The following MBD5 variants were observed in gnomAD, a reference collection of about 807,000 sequenced individuals.
The protein encoded by MBD5 is methyl-CpG binding domain protein 5, also known as methyl-CpG-binding domain protein 5.
A neutral mutation model predicts 117.3 loss-of-function variants in MBD5; 13 were observed. The observed-to-expected ratio is 0.11, with a 90% confidence interval of 0.07 to 0.18. MBD5 has a LOEUF of 0.18. Ranked by LOEUF, MBD5 falls within the 10% of genes least tolerant of loss-of-function variation. MBD5 has a pLI of 1.00. For synonymous variants in MBD5, 727 were observed against 766.4 expected (o/e 0.95, Z 0.85); for missense variants, 1,879 against 2,093.8 (o/e 0.90, Z 2.00).
At chr2:148,407,557 C>T (rs970317366) in intron 4 of MBD5, among the ~76,000 whole-genome samples, 1 of 152,100 alleles carries the variant, frequency 6.6e-6, no homozygotes, top group African/African-American at 2.4e-5. Context: ...CAGCATCAGT[C>T]ACTTAGTACT....
intron 1 of MBD5, among the ~76,000 whole-genome samples, chr2:148,139,230 G>A (rs1029669080): frequency 6.6e-6 from 1 of 151,808 alleles, no homozygotes; most frequent in South Asian, 2.1e-4. Flanking sequence ...TTTTGAAACA[G>A]AGTTTCGCTC....
At chr2:148,126,430 G>A (rs958082422) in intron 1 of MBD5, among the ~76,000 whole-genome samples, 4 of 150,330 alleles carry the variant, frequency 2.7e-5, no homozygotes, top group Non-Finnish European at 5.9e-5. Flanking sequence ...AAAAAAGTAG[G>A]TGTCTTTACA....
chr2:148,073,301 C>G (rs925538689), intron 1 of MBD5, among the ~76,000 whole-genome samples: 1 of 152,110 alleles, frequency 6.6e-6, no homozygotes, highest in Non-Finnish European at 1.5e-5. Flanking sequence ...GGCAATCACA[C>G]AGCCCAATAA....
chr2:148,496,708 C>T (rs2034267), intron 11 of MBD5, among the ~76,000 whole-genome samples: 3,362 of 152,244 alleles, frequency 0.022, 128 homozygotes, highest in African/African-American at 0.075. Context: ...GATTTACCCC[C>T]GTCCTGTAAT....
rs564125745 is a variant in MBD5, at chr2:148,416,200, C to T, written c.-556-42003C>T. On this transcript the variant is annotated intron_variant, in intron 4 of 13. Transcript: ENST00000642680. ...GTCTAAGGTGGGTTCAGTTGATTGG[C>T]TTTGTTTCTGGAAGATTTTAGGGGA... Among the ~76,000 whole-genome samples, 13 of 152,262 alleles carry T rather than the reference C, an allele frequency of 8.5e-5. 1 individual carries two copies. The highest frequency in any genetic ancestry group is 3.4e-3 in the Middle Eastern group (1 of 294).
At chr2:148,330,313 G>A (rs1277079144) in intron 3 of MBD5, among the ~76,000 whole-genome samples, 1 of 152,114 alleles carries the variant, frequency 6.6e-6, no homozygotes, top group Non-Finnish European at 1.5e-5. Flanking sequence ...TGTAGACAGA[G>A]AGAGAGAAGG....
chr2:148,240,726 C>A (rs187764746), intron 3 of MBD5, among the ~76,000 whole-genome samples: 1 of 152,258 alleles, frequency 6.6e-6, no homozygotes, highest in East Asian at 1.9e-4. Context: ...ATAGAACTAA[C>A]TATTCTTTAG....
intron 1 of MBD5, among the ~76,000 whole-genome samples, chr2:148,118,896 G>T (rs1365293258): frequency 6.6e-6 from 1 of 152,098 alleles, no homozygotes; most frequent in Non-Finnish European, 1.5e-5. Context: ...ATATTCCATT[G>T]TATGGATATA....
In MBD5 at chr2:148,490,111, A is replaced by G. The variant is rs763469797; in HGVS notation, c.4479A>G (p.Leu1493=). 3.7e-6 allele frequency: 6 copies of G among 1,614,102 alleles called. No homozygotes were observed. The highest frequency in any genetic ancestry group is 5.1e-6 in the Non-Finnish European group (6 of 1,180,014). The stretch of plus-strand genomic sequence containing the variant: ...GAAACTGTCCAGGGGATAAAATTCT[A>G]GAGGAAAATTTCAGGTATAATAACT... ...PPRNCPGDKI[L]EENFRYNNYK... The change falls in exon 11 of 14, where the codon CTA becomes CTG. Residue 1493 remains leucine (L), a synonymous_variant. Transcript: ENST00000642680.
intron 1 of MBD5, among the ~76,000 whole-genome samples, chr2:148,152,406 G>T (rs934301670): frequency 2.6e-5 from 4 of 152,162 alleles, no homozygotes; most frequent in Non-Finnish European, 4.4e-5. Flanking sequence ...TGAAAAAAGT[G>T]TATATTCTGT....
intron 4 of MBD5, among the ~76,000 whole-genome samples, chr2:148,376,835 A>ATATAT (rs71301705): frequency 0.51 from 69,361 of 134,802 alleles, 17,928 homozygotes; most frequent in East Asian, 0.75. Context: ...TATATATAAC[A>ATATAT]TATATATAAT....
chr2:148,469,326 C>G lies in MBD5; in HGVS notation c.1383C>G (p.Arg461=). The change falls in exon 8 of 14, where the codon CGC becomes CGG. Residue 461 remains arginine, a synonymous_variant. Coordinates refer to ENST00000642680, the MANE Select transcript of MBD5 (RefSeq NM_001378120.1). ...TTGAGGCATCGCCCCAAAGATCACG[C>G]TCATCTTCCACATCATCAGATCATG... The part of the protein sequence containing the change: ...GRIEASPQRS[R]SSSTSSDHGN... The G allele has an allele frequency of 6.2e-7, 1 of 1,613,798 alleles. No homozygotes were observed. The highest frequency in any genetic ancestry group is 1.1e-5 in the South Asian group (1 of 91,076).
intron 4 of MBD5, among the ~76,000 whole-genome samples, chr2:148,404,645 G>A (rs1379604520): frequency 6.6e-6 from 1 of 152,166 alleles, no homozygotes; most frequent in African/African-American, 2.4e-5. Flanking sequence ...AGCTAGGGAC[G>A]TTCTAGGGAT....
chr2:148,444,773 A>G (rs1706436889), intron 4 of MBD5, among the ~76,000 whole-genome samples: 1 of 150,922 alleles, frequency 6.6e-6, no homozygotes, highest in South Asian at 2.1e-4. Context: ...GCCCTATCAT[A>G]ACAAGTATCA....
intron 4 of MBD5, among the ~76,000 whole-genome samples, chr2:148,409,418 G>GGA (rs1389446174): frequency 6.7e-6 from 1 of 149,566 alleles, no homozygotes; most frequent in Non-Finnish European, 1.5e-5. Flanking sequence ...AGAAAGAAAG[G>GGA]GAGAGAGAGA....
Position 148,469,035 on chromosome 2 carries a change from T to C in MBD5, c.1092T>C (p.Ile364=), listed in dbSNP as rs759870905. 1 of 1,613,862 alleles carries C rather than the reference T, an allele frequency of 6.2e-7. No individual in the cohort carries two copies. ...ATCCACTTGGCATTCTTGACCCTAT[T>C]CCTAGTAAACCAGTGAATCAGAACC... The part of the protein sequence containing the change: ...EKDPLGILDP[I]PSKPVNQNPV... The change falls in exon 8 of 14, where the codon ATT becomes ATC. Residue 364 remains isoleucine, a synonymous_variant. Coordinates refer to ENST00000642680, the MANE Select transcript of MBD5 (RefSeq NM_001378120.1).
At chr2:148,048,023 C>A (rs1694581980) in intron 1 of MBD5, among the ~76,000 whole-genome samples, 1 of 152,072 alleles carries the variant, frequency 6.6e-6, no homozygotes. Context: ...TGAAACAATC[C>A]TCTTATATCA....
At chr2:148,433,568 G>A (rs1706057441) in intron 4 of MBD5, among the ~76,000 whole-genome samples, 1 of 152,158 alleles carries the variant, frequency 6.6e-6, no homozygotes, top group African/African-American at 2.4e-5. Context: ...GAGAGAAGTT[G>A]AATTTTATTA....
intron 1 of MBD5, among the ~76,000 whole-genome samples, chr2:148,170,717 A>G (rs113262472): frequency 6.6e-6 from 1 of 152,350 alleles, no homozygotes; most frequent in Non-Finnish European, 1.5e-5. Context: ...CCAATAGCTC[A>G]GGGAAGTAGA....
Sources: gnomAD v4.1 joint callset for allele counts (sites outside exome capture counted in the v4.1 genomes callset) on GRCh38, gnomAD v4.1.1 for gene constraint, MANE v1.5 for transcripts, NCBI Gene and HGNC (gene_info 2026-07-23, HGNC 2026-07-21) for gene names.